Variants in SNX14 observed in about 807,000 individuals in gnomAD.
SNX14 encodes the protein sorting nexin 14.
A neutral mutation model predicts 133.8 loss-of-function variants in SNX14; 93 were observed. The observed-to-expected ratio is 0.70, with a 90% CI of 0.59 to 0.83. SNX14 has a LOEUF of 0.83. SNX14 is among the 40% of genes least tolerant of loss of function. The pLI, the probability that SNX14 is intolerant of heterozygous loss-of-function variation, is 0.00. For missense variants in SNX14, 945 were observed against 1,094.9 expected, an observed-to-expected ratio of 0.86 and a Z score of 1.93; for synonymous variants, 368 against 365.6, an observed-to-expected ratio of 1.01 and a Z score of -0.07.
At chr6:85,568,432 C>T (rs1794584444) in intron 4 of SNX14, 1 of 152,220 alleles carries the variant, frequency 6.6e-6, no homozygotes, top group African/African-American at 2.4e-5. Flanking sequence ...GTTTTGTTTC[C>T]TGATCTGAAT....
chr6:85,534,218 C>T (rs1408446450), intron 17 of SNX14, among the ~76,000 whole-genome samples: 5 of 152,172 alleles, frequency 3.3e-5, no homozygotes, highest in Admixed American at 2.6e-4. Context: ...GTAATCCCAG[C>T]ACTTTGGGAG....
intron 18 of SNX14, 73 bp from the exon 19 acceptor site, chr6:85,530,348 T>G (rs183720897): frequency 9.7e-7 from 1 of 1,025,698 alleles, no homozygotes; most frequent in Non-Finnish European, 1.4e-6. Context: ...TTTAAAACAT[T>G]AAGAATACAA....
At chr6:85,545,252 GAA>G (rs1785099733) in intron 12 of SNX14, among the ~76,000 whole-genome samples, 2 of 152,032 alleles carry the variant, frequency 1.3e-5, no homozygotes, top group African/African-American at 4.8e-5. Flanking sequence ...GAAAGGCAAA[GAA>G]TATACAGGAC....
At chr6:85,582,522 A>G (rs1320507874) in intron 1 of SNX14, among the ~76,000 whole-genome samples, 1 of 152,114 alleles carries the variant, frequency 6.6e-6, no homozygotes, top group Non-Finnish European at 1.5e-5. Context: ...GATTAGCAAA[A>G]TAGACCACTA....
intron 7 of SNX14, among the ~76,000 whole-genome samples, chr6:85,556,672 C>T (rs1049418887): frequency 2.6e-5 from 4 of 151,848 alleles, no homozygotes; most frequent in African/African-American, 9.7e-5. Context: ...AGGCTGGTCT[C>T]GAACTCCTGA....
chr6:85,567,800 T>C (rs1008411535), intron 4 of SNX14: 3 of 311,012 alleles, frequency 9.6e-6, no homozygotes, highest in Admixed American at 1.1e-4. Context: ...CTGGGTAACA[T>C]GATGAAACCC....
chr6:85,547,070 G>T (rs377386361), intron 12 of SNX14, 42 bp downstream of exon 12: 9 of 1,406,900 alleles, frequency 6.4e-6, no homozygotes, highest in Non-Finnish European at 8.9e-6. Context: ...TACATTAAAA[G>T]GTTTAAAAAT....
chr6:85,510,776 G>C (rs1345607953), intron 26 of SNX14, among the ~76,000 whole-genome samples: 2 of 152,166 alleles, frequency 1.3e-5, no homozygotes, highest in Non-Finnish European at 2.9e-5. Context: ...AATAAGAACA[G>C]TTGCTGTAAG....
In SNX14 at chr6:85,514,138, T is replaced by A. The variant is rs757174145; in HGVS notation, c.2489A>T (p.Tyr830Phe). Residue 830 changes from tyrosine to phenylalanine, a missense_variant, in exon 25 of 29, where the codon TAT becomes TTT. Tyr to Phe is a conservative substitution (Grantham distance 22). This residue lies in a region of SNX14 where 412 missense variants were observed against 516.6 expected (regional missense o/e 0.80). Coordinates refer to ENST00000314673, the MANE Select transcript of SNX14 (RefSeq NM_153816.6). ...TAGCTGTTCTAGTTTACACTGAAGA[T>A]AGTAATCAGTATACATTTCCAGGGT... ...KNTLEMYTDY[Y>F]LQCKLEQLFQ... The A allele has an allele frequency of 1.2e-6, 2 of 1,613,930 alleles. No individual in the cohort carries two copies. Among genetic ancestry groups the A allele is most frequent in the African/African-American group, 1.3e-5 (1 of 75,044 alleles).
intron 12 of SNX14, among the ~76,000 whole-genome samples, chr6:85,545,576 T>A (rs1239513644): frequency 1.3e-5 from 2 of 152,160 alleles, no homozygotes; most frequent in Non-Finnish European, 2.9e-5. Context: ...AAGAATAAAT[T>A]CATTAAGAAG....
intron 21 of SNX14, among the ~76,000 whole-genome samples, chr6:85,521,044 C>G (rs1420651804): frequency 6.6e-6 from 1 of 152,194 alleles, no homozygotes; most frequent in African/African-American, 2.4e-5. Context: ...GTCCTACTAA[C>G]AGTGTGTAAG....
Position 85,543,778 on chromosome 6 carries a change from G to A in SNX14, c.1109-18C>T. 2.1e-6 allele frequency: 3 copies of A among 1,419,672 alleles called. No homozygotes were observed. The highest frequency in any genetic ancestry group is 2.8e-6 in the Non-Finnish European group (3 of 1,064,614). The allele number at this position is 1,419,672 out of a possible 1,614,324, so 87.9% of individuals were successfully genotyped here. ...AAATTCCTCTAACAAATGAGGGAATGAATAAGAAAAAATAATTTTAATATA... is the reference window on the plus strand; with the variant it reads ...AAATTCCTCTAACAAATGAGGGAATAAATAAGAAAAAATAATTTTAATATA... On this transcript the variant is annotated intron_variant, in intron 12 of 28. Transcript: ENST00000314673.
chr6:85,520,104 C>A (rs1271660569), intron 21 of SNX14, among the ~76,000 whole-genome samples: 1 of 151,878 alleles, frequency 6.6e-6, no homozygotes, highest in African/African-American at 2.4e-5. Context: ...GGCTGGAGTG[C>A]AGTGGCATGA....
chr6:85,511,897 A>AC (rs1363557984), intron 26 of SNX14, among the ~76,000 whole-genome samples: 1 of 152,210 alleles, frequency 6.6e-6, no homozygotes, highest in Admixed American at 6.5e-5. Context: ...GTTAAGAGGA[A>AC]CTGCTGCAAA....
At position 85,567,587 on chromosome 6, in the gene SNX14, C is replaced by G; in HGVS notation, c.418-10G>C. 1 of 1,497,564 alleles carries G rather than the reference C, an allele frequency of 6.7e-7. No individual in the cohort carries two copies. Among genetic ancestry groups the G allele is most frequent in the Non-Finnish European group, 8.9e-7 (1 of 1,125,832 alleles). The allele number at this position is 1,497,564 out of a possible 1,614,324, so 92.8% of individuals were successfully genotyped here. A position where few individuals can be genotyped will look rare whatever the true frequency, so the allele number is the denominator to read the frequency against. On this transcript the variant is annotated splice_polypyrimidine_tract_variant and intron_variant, in intron 4 of 28. Coordinates refer to ENST00000314673, the MANE Select transcript of SNX14 (RefSeq NM_153816.6). ...ACACTAATTCAAGAACCTGCATAAA[C>G]AATTATTTTTTAAAGAAAAATAAAA...
At chr6:85,535,009 C>T (rs1292584569) in intron 17 of SNX14, among the ~76,000 whole-genome samples, 3 of 142,174 alleles carry the variant, frequency 2.1e-5, no homozygotes, top group African/African-American at 7.8e-5. Flanking sequence ...TTTCTCTGAT[C>T]TACTTTCTTC....
intron 23 of SNX14, among the ~76,000 whole-genome samples, chr6:85,516,824 G>C (rs1411505117): frequency 1.3e-5 from 2 of 151,930 alleles, no homozygotes; most frequent in Non-Finnish European, 2.9e-5. Flanking sequence ...TTTCAGTAGA[G>C]GCAGGGTTTC....
intron 6 of SNX14, among the ~76,000 whole-genome samples, chr6:85,563,975 A>C (rs1436508597): frequency 6.6e-6 from 1 of 151,968 alleles, no homozygotes; most frequent in Admixed American, 6.6e-5. Flanking sequence ...CCTGTGTCCA[A>C]ATGTTCTCAT....
At chr6:85,535,858 A>C (rs1781803130) in intron 17 of SNX14, among the ~76,000 whole-genome samples, 1 of 152,046 alleles carries the variant, frequency 6.6e-6, no homozygotes, top group Admixed American at 6.5e-5. Flanking sequence ...ATCAGTACTA[A>C]ACACCCCTTT....
Sources: gnomAD v4.1 joint callset for allele counts (sites outside exome capture counted in the v4.1 genomes callset) on GRCh38, gnomAD v4.1.1 for gene constraint, gnomAD v4.1.1 regional missense constraint, MANE v1.5 for transcripts, NCBI Gene and HGNC (gene_info 2026-07-23, HGNC 2026-07-21) for gene names.